Variants in FUT9 observed in about 807,000 individuals in gnomAD.
The protein encoded by FUT9 is fucosyltransferase 9, also known as 4-galactosyl-N-acetylglucosaminide 3-alpha-L-fucosyltransferase 9.
Under a neutral mutation model 29.7 loss-of-function variants are expected in FUT9, and 15 were observed. The observed-to-expected ratio is 0.51, with a 90% CI of 0.34 to 0.78. The LOEUF is 0.78. Among genes scored for constraint, FUT9 ranks in the 30% least tolerant of loss-of-function variants. The probability of loss-of-function intolerance (pLI) is 0.01; values close to 1 mark genes in which losing one functional copy is unlikely to be tolerated. For synonymous variants in FUT9, 169 were observed against 153.7 expected, an observed-to-expected ratio of 1.10 and a Z score of -0.74; for missense variants, 319 against 425.4, an observed-to-expected ratio of 0.75 and a Z score of 2.20.
At chr6:96,035,394 T>TA (rs994727546) in intron 1 of FUT9, among the ~76,000 whole-genome samples, 3 of 151,396 alleles carry the variant, frequency 2.0e-5, no homozygotes, top group Non-Finnish European at 4.4e-5. Context: ...ACTCTATATT[T>TA]AGACTTGAAT....
intron 2 of FUT9, among the ~76,000 whole-genome samples, chr6:96,149,212 T>C (rs979210022): frequency 9.2e-5 from 14 of 152,050 alleles, no homozygotes; most frequent in East Asian, 3.9e-4. Flanking sequence ...GCTTTTATTA[T>C]GTACAGAGTC....
At chr6:96,047,980 C>T (rs1335343897) in intron 1 of FUT9, among the ~76,000 whole-genome samples, 1 of 152,150 alleles carries the variant, frequency 6.6e-6, no homozygotes, top group Non-Finnish European at 1.5e-5. Context: ...AGTTATATCT[C>T]TTTCTAGAAG....
chr6:96,183,130 A>T (rs1330249150), intron 2 of FUT9, among the ~76,000 whole-genome samples: 1 of 151,968 alleles, frequency 6.6e-6, no homozygotes, highest in African/African-American at 2.4e-5. Context: ...AATGTTTTGT[A>T]GTTTTCCTTG....
intron 2 of FUT9, among the ~76,000 whole-genome samples, chr6:96,172,459 G>T (rs889066532): frequency 4.8e-4 from 73 of 152,230 alleles, no homozygotes; most frequent in African/African-American, 1.7e-3. Flanking sequence ...TCAGGTGATT[G>T]TTGTTACATC....
chr6:96,160,129 T>C (rs1365126487), intron 2 of FUT9, among the ~76,000 whole-genome samples: 1 of 152,182 alleles, frequency 6.6e-6, no homozygotes, highest in Non-Finnish European at 1.5e-5. Context: ...TTAAAAATAC[T>C]GCCATTCCCT....
chr6:96,086,183 A>G (rs753456416), intron 1 of FUT9, among the ~76,000 whole-genome samples: 3 of 152,172 alleles, frequency 2.0e-5, no homozygotes, highest in African/African-American at 7.2e-5. Context: ...GACCGCATAA[A>G]TGTACCTGTC....
intron 2 of FUT9, among the ~76,000 whole-genome samples, chr6:96,154,336 C>T (rs1772735583): frequency 6.6e-6 from 1 of 152,126 alleles, no homozygotes; most frequent in African/African-American, 2.4e-5. Flanking sequence ...GTCAAATTAT[C>T]TGGTCTAATT....
At chr6:96,069,398 A>G (rs965840649) in intron 1 of FUT9, among the ~76,000 whole-genome samples, 11 of 152,110 alleles carry the variant, frequency 7.2e-5, no homozygotes, top group Admixed American at 5.2e-4. Flanking sequence ...TGCTGGGCTT[A>G]ATGGAATGAG....
intron 2 of FUT9, among the ~76,000 whole-genome samples, chr6:96,130,091 G>A (rs576112706): frequency 7.2e-5 from 11 of 152,148 alleles, no homozygotes; most frequent in Middle Eastern, 3.4e-3. Flanking sequence ...GGGAGAGGGG[G>A]TACGAATCTC....
chr6:96,129,289 AAAACAAAC>A (rs1772196110), intron 2 of FUT9, among the ~76,000 whole-genome samples: 4 of 5,902 alleles, frequency 6.8e-4, no homozygotes, highest in African/African-American at 9.0e-4. Flanking sequence ...AAAAAAAAAA[AAAACAAAC>A]AACCAGCCAT....
intron 1 of FUT9, among the ~76,000 whole-genome samples, chr6:96,020,377 G>A (rs1770046544): frequency 6.6e-6 from 1 of 152,004 alleles, no homozygotes; most frequent in African/African-American, 2.4e-5. Context: ...CAATATTTAT[G>A]TCATCACAGA....
At chr6:96,177,909 C>G (rs1215453620) in intron 2 of FUT9, among the ~76,000 whole-genome samples, 1 of 152,078 alleles carries the variant, frequency 6.6e-6, no homozygotes, top group East Asian at 1.9e-4. Context: ...TAGAATTACA[C>G]CAACCAATAA....
chr6:96,061,478 T>A (rs926494664), intron 1 of FUT9, among the ~76,000 whole-genome samples: 1 of 151,792 alleles, frequency 6.6e-6, no homozygotes, highest in Non-Finnish European at 1.5e-5. Flanking sequence ...ATATTTGCCT[T>A]TCCCAAAAAT....
chr6:96,207,291 T>G lies in FUT9; in HGVS notation c.*3056T>G, dbSNP rs1773850356. 1 of 166,890 alleles carries G rather than the reference T, an allele frequency of 6.0e-6. No homozygotes were observed. 10.3% of individuals were successfully genotyped at this position (166,890 alleles called of 1,614,324 possible). A position where few individuals can be genotyped will look rare whatever the true frequency, so the allele number is the denominator to read the frequency against. On this transcript the variant is annotated 3_prime_UTR_variant, in exon 3 of 3. Transcript: ENST00000302103. ...AATAGTTAAGATTTGGATTTAAGGA[T>G]CCTATCTTTCTTTATCCCACTTTCT...
chr6:96,053,544 T>C, intron 1 of FUT9, among the ~76,000 whole-genome samples: 1 of 151,978 alleles, frequency 6.6e-6, no homozygotes, highest in Non-Finnish European at 1.5e-5. Context: ...CCGTCTCTAC[T>C]AAAAATACAA....
chr6:96,139,909 A>C lies in FUT9; in HGVS notation c.-9+25782A>C, dbSNP rs539683795. Among the ~76,000 whole-genome samples the C allele has an allele frequency of 2.0e-5, 3 of 152,220 alleles. No homozygotes were observed. In the South Asian group the frequency reaches 6.2e-4, roughly 32 times the overall value. ...GACATGCCCTGAAGACATTTTGTCC[A>C]TTGTCTTGGTGATTAATATTTGGCT... On this transcript the variant is annotated intron_variant, in intron 2 of 2. Coordinates refer to ENST00000302103, the MANE Select transcript of FUT9 (RefSeq NM_006581.4).
chr6:96,086,961 G>A (rs530181623), intron 1 of FUT9, among the ~76,000 whole-genome samples: 41 of 152,146 alleles, frequency 2.7e-4, no homozygotes, highest in Non-Finnish European at 4.4e-4. Flanking sequence ...TTTTCGGTTA[G>A]CACCTGTGCC....
At chr6:96,192,861 A>G (rs1190287610) in intron 2 of FUT9, among the ~76,000 whole-genome samples, 4 of 152,026 alleles carry the variant, frequency 2.6e-5, no homozygotes, top group Non-Finnish European at 4.4e-5. Context: ...AGAGATATAG[A>G]CCAATGGAAT....
At chr6:96,198,658 G>A (rs1423492081) in intron 2 of FUT9, among the ~76,000 whole-genome samples, 2 of 152,158 alleles carry the variant, frequency 1.3e-5, no homozygotes, top group Non-Finnish European at 2.9e-5. Flanking sequence ...GGGTCAAATG[G>A]TATTTCTAGT....
Sources: gnomAD v4.1 joint callset for allele counts (sites outside exome capture counted in the v4.1 genomes callset) on GRCh38, gnomAD v4.1.1 for gene constraint, MANE v1.5 for transcripts, NCBI Gene and HGNC (gene_info 2026-07-23, HGNC 2026-07-21) for gene names.